SLC4A4: variants seen among roughly 807,000 people sequenced by gnomAD.
SLC4A4 encodes the protein electrogenic sodium bicarbonate cotransporter 1.
Under a neutral mutation model 111.5 loss-of-function variants are expected in SLC4A4, and 27 were observed. That is an observed-to-expected ratio of 0.24 (90% CI 0.18 to 0.33). SLC4A4 has a LOEUF of 0.33. Ranked by LOEUF, SLC4A4 falls within the 10% of genes least tolerant of loss-of-function variation. The probability of loss-of-function intolerance (pLI) is 1.00; values close to 1 mark genes in which losing one functional copy is unlikely to be tolerated. For missense variants in SLC4A4, 909 were observed against 1,315.5 expected (o/e 0.69, Z 4.78); for synonymous variants, 443 against 463.4 (o/e 0.96, Z 0.57).
chr4:71,442,180 CTTTTA>C (rs1724787093), intron 8 of SLC4A4, among the ~76,000 whole-genome samples: 1 of 152,080 alleles, frequency 6.6e-6, no homozygotes, highest in Non-Finnish European at 1.5e-5. Flanking sequence ...CTTTAAAAGA[CTTTTA>C]TTTAACAAAA....
intron 1 of SLC4A4, among the ~76,000 whole-genome samples, chr4:71,217,137 G>GT (rs140081150): frequency 0.019 from 2,899 of 151,848 alleles, 102 homozygotes; most frequent in African/African-American, 0.065. Context: ...TGACATTAAA[G>GT]TTTTTTTTTA....
At chr4:71,434,290 A>C (rs1723910313) in intron 7 of SLC4A4, 1 of 152,074 alleles carries the variant, frequency 6.6e-6, no homozygotes, top group Admixed American at 6.6e-5. Context: ...CTACTTTTGA[A>C]ATTTTTCTCA....
Position 71,379,492 on chromosome 4 carries a change from ACT to A in SLC4A4, c.731-18081_731-18080del, listed in dbSNP as rs560937735. ...TGTCCCGCAGGAGACTTTTTTCATAACTCTCATCATCTCCTCCTCCTCCCATC... is the reference window on the plus strand; with the variant it reads ...TGTCCCGCAGGAGACTTTTTTCATAACTCATCATCTCCTCCTCCTCCCATC... On this transcript the variant is annotated intron_variant, in intron 6 of 25. Transcript: ENST00000264485. Among the ~76,000 whole-genome samples the A allele has an allele frequency of 2.5e-3, 378 of 151,896 alleles. 3 individuals carry two copies. Among genetic ancestry groups the A allele is most frequent in the African/African-American group, 8.5e-3 (354 of 41,424 alleles).
chr4:71,524,566 C>T (rs769590744), intron 16 of SLC4A4, among the ~76,000 whole-genome samples: 2 of 152,012 alleles, frequency 1.3e-5, no homozygotes, highest in African/African-American at 4.8e-5. Context: ...ATCAGACTTT[C>T]CTTTTATTAA....
chr4:71,410,248 A>C (rs965076700), intron 7 of SLC4A4, among the ~76,000 whole-genome samples: 2 of 152,204 alleles, frequency 1.3e-5, no homozygotes, highest in Admixed American at 1.3e-4. Context: ...ATCCACTCAC[A>C]GCTTGCACTG....
At chr4:71,083,297 GT>G (rs1560709155) in intron 1 of SLC4A4, among the ~76,000 whole-genome samples, 1 of 150,642 alleles carries the variant, frequency 6.6e-6, no homozygotes, top group Non-Finnish European at 1.5e-5. Context: ...TTAAACTTAA[GT>G]TTTTTAGTTT....
At chr4:71,294,263 A>G (rs967428908) in intron 3 of SLC4A4, among the ~76,000 whole-genome samples, 1 of 152,208 alleles carries the variant, frequency 6.6e-6, no homozygotes, top group African/African-American at 2.4e-5. Flanking sequence ...GGCTACAGTC[A>G]AACAGATTCC....
At chr4:71,511,722 T>C (rs1731938967) in intron 16 of SLC4A4, among the ~76,000 whole-genome samples, 1 of 152,136 alleles carries the variant, frequency 6.6e-6, no homozygotes, top group Admixed American at 6.6e-5. Context: ...ATTTGATCCT[T>C]CTGTCTGTAT....
intron 3 of SLC4A4, among the ~76,000 whole-genome samples, chr4:71,258,532 G>A (rs1297757813): frequency 6.6e-6 from 1 of 152,162 alleles, no homozygotes; most frequent in East Asian, 1.9e-4. Flanking sequence ...TATCTTTGGC[G>A]CCGCACAATG....
Position 71,236,621 on chromosome 4 carries a change from G to A in SLC4A4, c.45G>A (p.Lys15=). 1 of 1,613,946 alleles carries A rather than the reference G, an allele frequency of 6.2e-7. No individual in the cohort carries two copies. Among genetic ancestry groups the A allele is most frequent in the South Asian group, 1.1e-5 (1 of 91,082 alleles). ...TGGACAGAGGGGCTTCCTTCCTCAAGCATGTGTGTGATGAAGAAGAAGTAG... is the reference window on the plus strand; with the variant it reads ...TGGACAGAGGGGCTTCCTTCCTCAAACATGTGTGTGATGAAGAAGAAGTAG... The part of the protein sequence containing the change: ...AVLDRGASFL[K]HVCDEEEVEG... Residue 15 remains lysine, a synonymous_variant, in exon 2 of 26, where the codon AAG becomes AAA. Transcript: ENST00000264485.
At chr4:71,394,092 C>T (rs1015030108) in intron 6 of SLC4A4, among the ~76,000 whole-genome samples, 7 of 152,084 alleles carry the variant, frequency 4.6e-5, no homozygotes, top group Admixed American at 1.3e-4. Context: ...CCCTTATAAA[C>T]GTTGGCTTAA....
At chr4:71,319,578 T>C (rs1013484886) in intron 3 of SLC4A4, among the ~76,000 whole-genome samples, 6 of 152,048 alleles carry the variant, frequency 3.9e-5, no homozygotes, top group African/African-American at 1.2e-4. Context: ...TTTCAATCTT[T>C]GTATTGAAAA....
At chr4:71,142,900 T>G (rs1306219543) in intron 2 of SLC4A4, among the ~76,000 whole-genome samples, 1 of 151,948 alleles carries the variant, frequency 6.6e-6, no homozygotes, top group Non-Finnish European at 1.5e-5. Flanking sequence ...CAAAGAACTA[T>G]TTGGCACTTT....
intron 8 of SLC4A4, among the ~76,000 whole-genome samples, chr4:71,445,779 T>C (rs1725170711): frequency 1.3e-5 from 2 of 152,234 alleles, no homozygotes. Flanking sequence ...ATTTTGTGCA[T>C]GTTGCACTCA....
chr4:71,516,515 T>C (rs10002865), intron 16 of SLC4A4, among the ~76,000 whole-genome samples: 65,852 of 152,060 alleles, frequency 0.43, 17,787 homozygotes, highest in African/African-American at 0.73. Flanking sequence ...CAGGTCTTAG[T>C]GGGGTGTGAG....
intron 2 of SLC4A4, among the ~76,000 whole-genome samples, chr4:71,103,632 C>T (rs956091001): frequency 6.6e-6 from 1 of 152,104 alleles, no homozygotes; most frequent in Non-Finnish European, 1.5e-5. Flanking sequence ...CAAAACCGCT[C>T]AACTACATGG....
intron 2 of SLC4A4, among the ~76,000 whole-genome samples, chr4:71,176,429 GA>G (rs1200923275): frequency 2.0e-5 from 3 of 151,972 alleles, no homozygotes; most frequent in South Asian, 4.2e-4. Context: ...TAAAAACCTT[GA>G]AAAAAAATTA....
In SLC4A4 at chr4:71,130,562, T is replaced by C. The variant is rs189433919; in HGVS notation, c.-2+37770T>C. ...CTCATTTTGTTAAATGAATGTCACT[T>C]ACTATTTTCAATATGCTCTTAGCAC... is the stretch of plus-strand genomic sequence containing the variant. On this transcript the variant is annotated intron_variant, in intron 2 of 26. Coordinates refer to the SLC4A4 transcript ENST00000649996. Among the ~76,000 whole-genome samples the C allele has an allele frequency of 3.3e-5, 5 of 152,304 alleles. No individual in the cohort carries two copies. The East Asian group carries it at 9.7e-4, about 29-fold the overall frequency.
intron 2 of SLC4A4, among the ~76,000 whole-genome samples, chr4:71,160,438 T>C (rs1371015266): frequency 6.6e-6 from 1 of 152,128 alleles, no homozygotes; most frequent in African/African-American, 2.4e-5. Flanking sequence ...TCTTCTATTA[T>C]ACATTGAGCT....
Sources: gnomAD v4.1 joint callset for allele counts (sites outside exome capture counted in the v4.1 genomes callset) on GRCh38, gnomAD v4.1.1 for gene constraint, MANE v1.5 for transcripts, NCBI Gene and HGNC (gene_info 2026-07-23, HGNC 2026-07-21) for gene names.